SMAP1: variants seen among roughly 807,000 people sequenced by gnomAD.
The protein encoded by SMAP1 is stromal membrane-associated protein 1.
SMAP1 carries 24 observed loss-of-function variants against 58.5 expected under a neutral mutation model. The ratio of observed to expected loss-of-function variants is 0.41; its 90% CI spans 0.30 to 0.58. The LOEUF is 0.58. Ranked by LOEUF, SMAP1 falls within the 20% of genes least tolerant of loss-of-function variation. The probability of loss-of-function intolerance (pLI) is 0.29; values close to 1 mark genes in which losing one functional copy is unlikely to be tolerated. For synonymous variants in SMAP1, 216 were observed against 196.6 expected (o/e 1.10, Z -0.82); for missense variants, 563 against 566.3 (o/e 0.99, Z 0.06).
chr6:70,770,682 C>A (rs1767248487), intron 3 of SMAP1, among the ~76,000 whole-genome samples: 2 of 152,114 alleles, frequency 1.3e-5, no homozygotes, highest in South Asian at 4.1e-4. Flanking sequence ...AACTTCTTTG[C>A]CTTTGGTTTG....
chr6:70,771,240 A>G (rs1446286862), intron 3 of SMAP1, among the ~76,000 whole-genome samples: 1 of 152,234 alleles, frequency 6.6e-6, no homozygotes, highest in African/African-American at 2.4e-5. Flanking sequence ...CCATTCTCAG[A>G]TCTCCAGCTG....
At chr6:70,740,727 C>T (rs1765780381) in intron 2 of SMAP1, among the ~76,000 whole-genome samples, 1 of 152,132 alleles carries the variant, frequency 6.6e-6, no homozygotes, top group Non-Finnish European at 1.5e-5. Flanking sequence ...GGCCCATTCA[C>T]ACTTAATTGT....
Position 70,860,802 on chromosome 6 carries a change from T to G in SMAP1, c.*468T>G, listed in dbSNP as rs897286599. 4.8e-5 allele frequency: 19 copies of G among 398,208 alleles called. No homozygotes were observed. Among genetic ancestry groups the G allele is most frequent in the Middle Eastern group, 1.3e-3 (2 of 1,592 alleles). The allele number at this position is 398,208 out of a possible 1,614,324, so 24.7% of individuals were successfully genotyped here. On this transcript the variant is annotated 3_prime_UTR_variant, in exon 11 of 11. Transcript: ENST00000370455. ...TCACTGAGCACTGTTTTCTAGTGTA[T>G]CAAAATGCTCTTATTTCATCATTCA...
intron 2 of SMAP1, among the ~76,000 whole-genome samples, chr6:70,743,233 G>C (rs1765887745): frequency 2.0e-5 from 3 of 152,176 alleles, no homozygotes; most frequent in Admixed American, 6.5e-5. Context: ...GTTTCTGGCA[G>C]GTCTAGTGGT....
intron 4 of SMAP1, among the ~76,000 whole-genome samples, chr6:70,775,758 A>T (rs1489743892): frequency 6.6e-6 from 1 of 152,206 alleles, no homozygotes. Flanking sequence ...TACTATTGAA[A>T]TAAAAATGCA....
intron 1 of SMAP1, among the ~76,000 whole-genome samples, chr6:70,692,811 T>C (rs2149819760): frequency 6.6e-6 from 1 of 151,136 alleles, no homozygotes; most frequent in Middle Eastern, 3.4e-3. Flanking sequence ...TGAGATGGAG[T>C]CTCGCTCTGT....
intron 2 of SMAP1, among the ~76,000 whole-genome samples, chr6:70,738,905 T>TG (rs577486892): frequency 3.9e-5 from 6 of 152,334 alleles, no homozygotes; most frequent in Admixed American, 6.5e-5. Flanking sequence ...AGAAGTTTTC[T>TG]GCTCTTTCAC....
intron 6 of SMAP1, among the ~76,000 whole-genome samples, chr6:70,832,236 T>G (rs1770389499): frequency 6.6e-6 from 1 of 152,220 alleles, no homozygotes; most frequent in Non-Finnish European, 1.5e-5. Context: ...GTAGTTTCTT[T>G]GGCTGTGCAG....
chr6:70,792,326 A>AT (rs70990333), intron 5 of SMAP1, among the ~76,000 whole-genome samples: 4,271 of 140,184 alleles, frequency 0.03, 79 homozygotes, highest in Middle Eastern at 0.043. Flanking sequence ...CTCTTTACCT[A>AT]TTTTTTTTTT....
At chr6:70,771,704 C>T (rs911889695) in intron 3 of SMAP1, among the ~76,000 whole-genome samples, 8 of 152,136 alleles carry the variant, frequency 5.3e-5, no homozygotes, top group South Asian at 2.1e-4. Flanking sequence ...TTGCGCTTCC[C>T]GAGTGAGGCA....
chr6:70,770,648 G>A (rs1162952594), intron 3 of SMAP1, among the ~76,000 whole-genome samples: 2 of 151,928 alleles, frequency 1.3e-5, no homozygotes, highest in South Asian at 2.1e-4. Flanking sequence ...TTCTACATTC[G>A]TCTGAATTTT....
At chr6:70,696,370 G>C (rs968388278) in intron 1 of SMAP1, among the ~76,000 whole-genome samples, 1 of 151,996 alleles carries the variant, frequency 6.6e-6, no homozygotes, top group Non-Finnish European at 1.5e-5. Context: ...CTTTTTTAGT[G>C]TAAGTGCTTA....
intron 1 of SMAP1, among the ~76,000 whole-genome samples, chr6:70,693,337 C>A (rs1767259278): frequency 7.8e-6 from 1 of 127,964 alleles, no homozygotes; most frequent in East Asian, 2.6e-4. Flanking sequence ...CAGAGTCTTG[C>A]TCTGTCACCA....
intron 7 of SMAP1, among the ~76,000 whole-genome samples, chr6:70,849,479 TAAA>T (rs1771107386): frequency 6.6e-6 from 1 of 152,154 alleles, no homozygotes; most frequent in Non-Finnish European, 1.5e-5. Context: ...AGTGCAGTGG[TAAA>T]AACAGAATTC....
chr6:70,668,042 C>A lies in SMAP1; in HGVS notation c.19C>A (p.Arg7=). The part of the protein sequence containing the change: MATRSC[R]EKAQKLNEQH... ...TGCCGAGATGGCGACGCGCTCCTGT[C>A]GGGAGAAGGCTCAGAAGCTGAACGA... Residue 7 remains arginine, a synonymous_variant, in exon 1 of 11, where the codon CGG becomes AGG. Transcript: ENST00000370455. 6.2e-7 allele frequency: 1 copy of A among 1,601,640 alleles called. No individual in the cohort carries two copies. The highest frequency in any genetic ancestry group is 8.5e-7 in the Non-Finnish European group (1 of 1,175,082).
At chr6:70,828,249 T>G (rs1377776193) in intron 6 of SMAP1, among the ~76,000 whole-genome samples, 1 of 152,182 alleles carries the variant, frequency 6.6e-6, no homozygotes, top group Non-Finnish European at 1.5e-5. Context: ...CTCATGAATT[T>G]TTTACTGAAA....
chr6:70,742,173 C>T (rs1344131191), intron 2 of SMAP1, among the ~76,000 whole-genome samples: 1 of 152,198 alleles, frequency 6.6e-6, no homozygotes, highest in Non-Finnish European at 1.5e-5. Context: ...ATTTCTGCAA[C>T]CGGGTTGAAT....
At chr6:70,836,294 C>T (rs1770581245) in intron 6 of SMAP1, among the ~76,000 whole-genome samples, 1 of 152,154 alleles carries the variant, frequency 6.6e-6, no homozygotes, top group Non-Finnish European at 1.5e-5. Context: ...TGAATGGCAG[C>T]AGGCAAAGAC....
At chr6:70,773,950 G>A (rs1434408937) in intron 4 of SMAP1, among the ~76,000 whole-genome samples, 1 of 152,198 alleles carries the variant, frequency 6.6e-6, no homozygotes, top group Non-Finnish European at 1.5e-5. Context: ...GTCAATGACA[G>A]ACTGTATATA....
Sources: allele counts gnomAD v4.1 joint callset (sites outside exome capture counted in the v4.1 genomes callset), GRCh38; gene constraint gnomAD v4.1.1; transcripts MANE v1.5; gene names NCBI Gene and HGNC (gene_info 2026-07-23, HGNC 2026-07-21).